UPK3B: variants seen among roughly 807,000 people sequenced by gnomAD.
The protein encoded by UPK3B is uroplakin 3B, also known as uroplakin-3b.
Under a neutral mutation model 27.6 loss-of-function variants are expected in UPK3B, and 21 were observed. The observed-to-expected ratio is 0.76, with a 90% CI of 0.54 to 1.10. The LOEUF (loss-of-function observed/expected upper bound fraction) is 1.10. Ranked by LOEUF, UPK3B falls within the 50% of genes least tolerant of loss-of-function variation. The pLI, the probability that UPK3B is intolerant of heterozygous loss-of-function variation, is 0.00. For synonymous variants in UPK3B, 141 were observed against 162.3 expected (o/e 0.87, Z 1.00); for missense variants, 306 against 376.1 (o/e 0.81, Z 1.54).
chr7:76,513,577 C>T (rs887272275), intron 4 of UPK3B, among the ~76,000 whole-genome samples: 1 of 151,948 alleles, frequency 6.6e-6, no homozygotes, highest in African/African-American at 2.4e-5. Context: ...TCGAGTGCCA[C>T]GGCCCAGGTG....
In UPK3B at chr7:76,515,448, G is replaced by A; in HGVS notation, c.*244G>A. On this transcript the variant is annotated 3_prime_UTR_variant, in exon 6 of 6. Transcript: ENST00000334348. The stretch of plus-strand genomic sequence containing the variant: ...AGGAGGGTTTAGGGGAGGGCCATGG[G>A]CAGGCTGGATACCCAGTCCCCACCT... 4 of 876,898 alleles carry A rather than the reference G, an allele frequency of 4.6e-6. No homozygotes were observed. Among genetic ancestry groups the A allele is most frequent in the East Asian group, 3.8e-5 (1 of 26,094 alleles). The allele number at this position is 876,898 out of a possible 1,614,324, so 54.3% of individuals were successfully genotyped here.
chr7:76,515,436 G>T lies in UPK3B; in HGVS notation c.*232G>T. On this transcript the variant is annotated 3_prime_UTR_variant, in exon 6 of 6. Coordinates refer to ENST00000334348, the MANE Select transcript of UPK3B (RefSeq NM_001347684.2). ...TAAGTTGCACTCAGGAGGGTTTAGG[G>T]GAGGGCCATGGGCAGGCTGGATACC... 1 of 1,492,660 alleles carries T rather than the reference G, an allele frequency of 6.7e-7. No individual in the cohort carries two copies. The allele number at this position is 1,492,660 out of a possible 1,614,324, so 92.5% of individuals were successfully genotyped here.
rs200200225 is a variant in UPK3B, at chr7:76,511,854, G to T, written c.433G>T (p.Ala145Ser). The T allele has an allele frequency of 8.3e-6, 12 of 1,450,728 alleles. No homozygotes were observed. In the South Asian group the frequency reaches 1.4e-4, roughly 17 times the overall value. 89.9% of individuals were successfully genotyped at this position (1,450,728 alleles called of 1,614,324 possible). ...CTGCCACCAGCAGCCCTTCTGCAAC[G>T]CGCCCCTCCCTGGCCCTGGACCCTA... ...HGCHQQPFCN[A>S]PLPGPGPYRV... is the part of the protein sequence containing the mutation. The change falls in exon 3 of 6, where the codon GCG becomes TCG. Residue 145 changes from alanine to serine, a missense_variant. By Grantham distance (99) the Ala-to-Ser change is moderately conservative. Transcript: ENST00000334348.
Position 76,515,227 on chromosome 7 carries a change from G to C in UPK3B, c.*23G>C, listed in dbSNP as rs1405577258. 1.3e-6 allele frequency: 2 copies of C among 1,585,202 alleles called. No homozygotes were observed. Among genetic ancestry groups the C allele is most frequent in the Non-Finnish European group, 1.7e-6 (2 of 1,165,702 alleles). ...TAGCCTGGCCTCTTTGCATGGGGCT[G>C]GGGGAGATGGGGCGCTGGGAGTGAG... On this transcript the variant is annotated 3_prime_UTR_variant, in exon 6 of 6. Transcript: ENST00000334348.
intron 5 of UPK3B, 120 bp from the exon 6 acceptor site, chr7:76,514,924 AG>A (rs1812676698): frequency 5.1e-6 from 6 of 1,177,280 alleles, no homozygotes; most frequent in South Asian, 3.3e-5. Context: ...AAAAAAAAAA[AG>A]AAAAGAGAGA....
At position 76,515,100 on chromosome 7, in the gene UPK3B, A is replaced by G. The variant is rs751132254; in HGVS notation, c.727A>G (p.Met243Val). Reference sequence around the variant, plus strand: ...GGAGCAGCTGCGGATCGGCTCCTTCATGGGCAAGCGCTACATGACCCACCA... The same window carrying G: ...GGAGCAGCTGCGGATCGGCTCCTTCGTGGGCAAGCGCTACATGACCCACCA... Reference protein sequence around the residue: ...APEQLRIGSFMGKRYMTHHIP... With the variant: ...APEQLRIGSFVGKRYMTHHIP... Residue 243 changes from methionine (M) to valine (V), a missense_variant, in exon 6 of 6, where the codon ATG becomes GTG. Transcript: ENST00000334348. The G allele has an allele frequency of 8.1e-6, 13 of 1,601,224 alleles. No individual in the cohort carries two copies. Among genetic ancestry groups the G allele is most frequent in the African/African-American group, 4.0e-5 (3 of 74,742 alleles).
intron 2 of UPK3B, chr7:76,511,401 G>T: frequency 1.1e-6 from 1 of 922,326 alleles, no homozygotes; most frequent in Non-Finnish European, 1.6e-6. Flanking sequence ...CACTGCAATG[G>T]GGCTGGGGCT....
chr7:76,514,491 G>A (rs1250348703), intron 5 of UPK3B, among the ~76,000 whole-genome samples: 2 of 152,158 alleles, frequency 1.3e-5, no homozygotes, highest in Non-Finnish European at 2.9e-5. Flanking sequence ...CTCCTCCCGG[G>A]CCTCACCTGC....
rs935318688 is a variant in UPK3B at position 76,513,139 on chromosome 7, T to G, written c.517T>G (p.Ser173Ala). Residue 173 changes from serine to alanine, a missense_variant, in exon 4 of 6, where the codon TCA becomes GCA. Coordinates refer to ENST00000334348, the MANE Select transcript of UPK3B (RefSeq NM_001347684.2). ...RGSPRAETKWSDPITLHQGKT... is the reference protein window; with the variant it reads ...RGSPRAETKWADPITLHQGKT... ...CTCACCCAGGGCTGAGACCAAGTGG[T>G]CAGACCCCATCACTCTCCACCAAGG... The G allele has an allele frequency of 1.9e-6, 3 of 1,613,564 alleles. No homozygotes were observed. In the African/African-American group the frequency reaches 4.0e-5, roughly 22 times the overall value.
Position 76,510,650 on chromosome 7 carries a change from G to C in UPK3B, c.-3G>C. 6.8e-7 allele frequency: 1 copy of C among 1,473,306 alleles called. No homozygotes were observed. The highest frequency in any genetic ancestry group is 9.0e-7 in the Non-Finnish European group (1 of 1,107,096). The allele number at this position is 1,473,306 out of a possible 1,614,324, so 91.3% of individuals were successfully genotyped here. On this transcript the variant is annotated 5_prime_UTR_variant, in exon 1 of 6. Coordinates refer to ENST00000334348, the MANE Select transcript of UPK3B (RefSeq NM_001347684.2). ...CTGAGCCTCCCGGGTGCTGGCAGCTGTCATGGGGCTACCCTGGGGGCAGCC... is the reference window on the plus strand; with the variant it reads ...CTGAGCCTCCCGGGTGCTGGCAGCTCTCATGGGGCTACCCTGGGGGCAGCC...
In UPK3B at chr7:76,515,304, T is replaced by G. The variant is rs1812701680; in HGVS notation, c.*100T>G. ...CACCCACAGGCCCCCTCAGGGCTCC[T>G]TGCCTTTCCCCCCCACCAGCACACC... On this transcript the variant is annotated 3_prime_UTR_variant, in exon 6 of 6. Coordinates refer to ENST00000334348, the MANE Select transcript of UPK3B (RefSeq NM_001347684.2). 40 of 1,527,432 alleles carry G rather than the reference T, an allele frequency of 2.6e-5. No individual in the cohort carries two copies. The highest frequency in any genetic ancestry group is 3.5e-5 in the Non-Finnish European group (40 of 1,134,122). The allele number at this position is 1,527,432 out of a possible 1,614,324, so 94.6% of individuals were successfully genotyped here.
At chr7:76,512,134 G>A (rs1812554917) in intron 3 of UPK3B, among the ~76,000 whole-genome samples, 1 of 151,988 alleles carries the variant, frequency 6.6e-6, no homozygotes, top group Non-Finnish European at 1.5e-5. Flanking sequence ...GGAGGGGGCA[G>A]CTTCCCCAAA....
chr7:76,511,992 C>G lies in UPK3B; in HGVS notation c.461+110C>G, dbSNP rs911499191. ...TCTTTCCAGGGAGGGGTCCCCGGCC[C>G]CGGTCCTCCCCTTTGCAAGCCCGGG... is the stretch of plus-strand genomic sequence containing the variant. On this transcript the variant is annotated intron_variant, in intron 3 of 5. Transcript: ENST00000334348. 38 of 498,914 alleles carry G rather than the reference C, an allele frequency of 7.6e-5. 2 individuals carry two copies. The highest frequency in any genetic ancestry group is 3.9e-4 in the Admixed American group (9 of 23,294). The allele number at this position is 498,914 out of a possible 1,614,324, so 30.9% of individuals were successfully genotyped here.
chr7:76,515,230 G>A lies in UPK3B; in HGVS notation c.*26G>A, dbSNP rs1212731793. On this transcript the variant is annotated 3_prime_UTR_variant, in exon 6 of 6. Transcript: ENST00000334348. ...CCTGGCCTCTTTGCATGGGGCTGGGGGAGATGGGGCGCTGGGAGTGAGTGC... is the reference window on the plus strand; with the variant it reads ...CCTGGCCTCTTTGCATGGGGCTGGGAGAGATGGGGCGCTGGGAGTGAGTGC... 4.4e-6 allele frequency: 7 copies of A among 1,585,808 alleles called. No homozygotes were observed. Among genetic ancestry groups the A allele is most frequent in the Non-Finnish European group, 3.4e-6 (4 of 1,166,046 alleles).
chr7:76,515,271 A>G lies in UPK3B; in HGVS notation c.*67A>G. 6.4e-7 allele frequency: 1 copy of G among 1,553,308 alleles called. No homozygotes were observed. The highest frequency in any genetic ancestry group is 8.7e-7 in the Non-Finnish European group (1 of 1,148,234). On this transcript the variant is annotated 3_prime_UTR_variant, in exon 6 of 6. Transcript: ENST00000334348. ...GAGTGAGTGCATGGTGCTTTGTCCC[A>G]GCTCCTGCACCCACAGGCCCCCTCA...
At chr7:76,513,741 G>A (rs1812621976) in intron 4 of UPK3B, among the ~76,000 whole-genome samples, 1 of 151,904 alleles carries the variant, frequency 6.6e-6, no homozygotes, top group Admixed American at 6.6e-5. Flanking sequence ...GAGCAGGGCG[G>A]AGGCTGTGGT....
intron 3 of UPK3B, 112 bp from the exon 4 acceptor site, chr7:76,512,972 C>G (rs996121362): frequency 1.5e-5 from 12 of 805,480 alleles, no homozygotes; most frequent in African/African-American, 3.4e-5. Flanking sequence ...CGGGCACCCC[C>G]ACTCCACATC....
chr7:76,514,143 T>A (rs1401698129), intron 5 of UPK3B, 67 bp downstream of exon 5: 1 of 1,605,798 alleles, frequency 6.2e-7, no homozygotes, highest in Non-Finnish European at 8.5e-7. Flanking sequence ...GGTCCCAGTG[T>A]CTGGAAGCCC....
chr7:76,511,557 G>C, intron 2 of UPK3B, 100 bp from the exon 3 acceptor site: 1 of 1,277,298 alleles, frequency 7.8e-7, no homozygotes, highest in Non-Finnish European at 1.1e-6. Flanking sequence ...GAGGTGGCAT[G>C]GGGGGTCAGG....
Sources: gnomAD v4.1 joint callset for allele counts (sites outside exome capture counted in the v4.1 genomes callset) on GRCh38, gnomAD v4.1.1 for gene constraint, MANE v1.5 for transcripts, NCBI Gene and HGNC (gene_info 2026-07-23, HGNC 2026-07-21) for gene names.